The following PTPN11 variants were observed in gnomAD, a reference collection of about 807,000 sequenced individuals.
PTPN11 encodes the protein tyrosine-protein phosphatase non-receptor type 11.
Under a neutral mutation model 78.8 loss-of-function variants are expected in PTPN11, and 6 were observed. The ratio of observed to expected loss-of-function variants is 0.08; its 90% CI spans 0.04 to 0.15. PTPN11 has a LOEUF of 0.15. Ranked by LOEUF, PTPN11 falls within the 10% of genes least tolerant of loss-of-function variation. The probability of loss-of-function intolerance (pLI) is 1.00; values close to 1 mark genes in which losing one functional copy is unlikely to be tolerated. For synonymous variants in PTPN11, 221 were observed against 263.5 expected, an observed-to-expected ratio of 0.84 and a Z score of 1.56; for missense variants, 386 against 744.8, an observed-to-expected ratio of 0.52 and a Z score of 5.61.
Position 112,454,658 on chromosome 12 carries a change from G to C in PTPN11, c.620G>C (p.Gly207Ala), listed in dbSNP as rs2135869833. The C allele has an allele frequency of 6.2e-7, 1 of 1,612,078 alleles. No homozygotes were observed. Among genetic ancestry groups the C allele is most frequent in the Non-Finnish European group, 8.5e-7 (1 of 1,178,276 alleles). ...AAGAATCCTATGGTGGAAACATTGG[G>C]TACAGTACTACAACTCAAGCAGGTG... ...YKKNPMVETL[G>A]TVLQLKQPLN... Residue 207 changes from glycine to alanine, a missense_variant, in exon 5 of 16, where the codon GGT becomes GCT. This residue lies in a region of PTPN11 where 279 missense variants were observed against 503.3 expected (regional missense o/e 0.55). Coordinates refer to ENST00000351677, the MANE Select transcript of PTPN11 (RefSeq NM_002834.5).
intron 1 of PTPN11, among the ~76,000 whole-genome samples, chr12:112,442,706 C>T (rs1446566010): frequency 1.3e-5 from 2 of 150,194 alleles, no homozygotes; most frequent in African/African-American, 4.9e-5. Flanking sequence ...CCTGCCTCCG[C>T]CTCCCAAAGT....
chr12:112,427,344 A>G (rs562787611), intron 1 of PTPN11, among the ~76,000 whole-genome samples: 1 of 152,102 alleles, frequency 6.6e-6, no homozygotes, highest in African/African-American at 2.4e-5. Context: ...CAGGAGATCG[A>G]GACCATCCTA....
chr12:112,485,455 A>G (rs2038660489), intron 10 of PTPN11, among the ~76,000 whole-genome samples: 1 of 152,086 alleles, frequency 6.6e-6, no homozygotes, highest in South Asian at 2.1e-4. Flanking sequence ...GTCTCTTCCT[A>G]TTTGCTGGGC....
At chr12:112,429,995 A>C (rs1375957985) in intron 1 of PTPN11, among the ~76,000 whole-genome samples, 1 of 152,132 alleles carries the variant, frequency 6.6e-6, no homozygotes, top group Non-Finnish European at 1.5e-5. Context: ...AACCAGCTGT[A>C]ATGTATAATA....
intron 1 of PTPN11, among the ~76,000 whole-genome samples, chr12:112,433,038 T>C (rs1384792583): frequency 2.6e-5 from 4 of 151,966 alleles, no homozygotes; most frequent in Admixed American, 2.6e-4. Flanking sequence ...TTTTTATATA[T>C]TTAGTAGAGA....
chr12:112,490,456 G>A (rs530035497), intron 13 of PTPN11, among the ~76,000 whole-genome samples: 5 of 152,020 alleles, frequency 3.3e-5, no homozygotes, highest in African/African-American at 1.2e-4. Flanking sequence ...ATAGGCATGC[G>A]CCACCACACC....
At chr12:112,454,050 ATAT>A (rs1188441285) in intron 4 of PTPN11, among the ~76,000 whole-genome samples, 3 of 151,994 alleles carry the variant, frequency 2.0e-5, no homozygotes, top group Non-Finnish European at 2.9e-5. Context: ...CATATTTAAT[ATAT>A]TATTATACTT....
intron 1 of PTPN11, among the ~76,000 whole-genome samples, chr12:112,435,954 G>A (rs2037782595): frequency 1.3e-5 from 2 of 152,190 alleles, no homozygotes; most frequent in African/African-American, 4.8e-5. Flanking sequence ...GGAGGCTGAG[G>A]TGGGAGGATC....
chr12:112,461,550 T>C (rs1056786853), intron 6 of PTPN11, among the ~76,000 whole-genome samples: 6 of 152,062 alleles, frequency 3.9e-5, no homozygotes, highest in African/African-American at 1.4e-4. Context: ...TGGTCTTGAA[T>C]GTCTGGGCTC....
In PTPN11 at chr12:112,506,810, T is replaced by C. The variant is rs1262054105; in HGVS notation, c.*1018T>C. 1.9e-5 allele frequency: 3 copies of C among 157,484 alleles called. No individual in the cohort carries two copies. Among genetic ancestry groups the C allele is most frequent in the African/African-American group, 7.2e-5 (3 of 41,556 alleles). 9.8% of individuals were successfully genotyped at this position (157,484 alleles called of 1,614,324 possible). On this transcript the variant is annotated 3_prime_UTR_variant, in exon 16 of 16. Transcript: ENST00000351677. ...TCTCTCCTTCTTCGTGTAGTCTCTT[T>C]CAGTGGCCTGGCTGGCAGGGTAGCT...
chr12:112,467,569 A>G (rs1011090832), intron 6 of PTPN11, among the ~76,000 whole-genome samples: 1 of 152,092 alleles, frequency 6.6e-6, no homozygotes, highest in African/African-American at 2.4e-5. Flanking sequence ...ATCTCAGCTC[A>G]CTGCAGCCTC....
chr12:112,508,035 T>TCTTGA lies in PTPN11; in HGVS notation c.*2257_*2261dup, dbSNP rs759302517. 1 of 152,702 alleles carries TCTTGA rather than the reference T, an allele frequency of 6.5e-6. No homozygotes were observed. Among genetic ancestry groups the TCTTGA allele is most frequent in the South Asian group, 2.1e-4 (1 of 4,832 alleles). The allele number at this position is 152,702 out of a possible 1,614,324, so 9.5% of individuals were successfully genotyped here. ...CATTCTCCATTTTGCTTTGGTTTTG[T>TCTTGA]CTTGACTTGACTTGACTTTGGGGGT... On this transcript the variant is annotated 3_prime_UTR_variant, in exon 16 of 16. Coordinates refer to ENST00000351677, the MANE Select transcript of PTPN11 (RefSeq NM_002834.5).
intron 1 of PTPN11, among the ~76,000 whole-genome samples, chr12:112,433,232 T>C (rs994297545): frequency 3.3e-5 from 5 of 152,256 alleles, no homozygotes; most frequent in African/African-American, 1.2e-4. Flanking sequence ...TGTGTTTAGA[T>C]ACACAAATAC....
In PTPN11 at chr12:112,451,936, C is replaced by T. The variant is rs149890854; in HGVS notation, c.333-1259C>T. On this transcript the variant is annotated intron_variant, in intron 3 of 15. Coordinates refer to ENST00000351677, the MANE Select transcript of PTPN11 (RefSeq NM_002834.5). ...TGTCACCCAGGCTGGAGTCAAGTGA[C>T]GCGATCTCGGCTCACTACAACCTCC... Among the ~76,000 whole-genome samples, 122 of 151,568 alleles carry T rather than the reference C, an allele frequency of 8.0e-4. 1 individual carries two copies. Among genetic ancestry groups the T allele is most frequent in the African/African-American group, 2.3e-3 (94 of 41,316 alleles).
At chr12:112,464,009 C>T (rs1479768629) in intron 6 of PTPN11, among the ~76,000 whole-genome samples, 2 of 152,180 alleles carry the variant, frequency 1.3e-5, no homozygotes, top group African/African-American at 4.8e-5. Flanking sequence ...AAGTTTGATC[C>T]ACAATAGCAA....
At chr12:112,496,335 G>A (rs929851772) in intron 13 of PTPN11, among the ~76,000 whole-genome samples, 4 of 151,928 alleles carry the variant, frequency 2.6e-5, no homozygotes, top group Admixed American at 2.0e-4. Flanking sequence ...TTTCCCTGCC[G>A]CAGCCCTAGA....
At chr12:112,501,930 T>A (rs1473776892) in intron 13 of PTPN11, among the ~76,000 whole-genome samples, 1 of 152,236 alleles carries the variant, frequency 6.6e-6, no homozygotes, top group Admixed American at 6.5e-5. Flanking sequence ...TTTCAAATTC[T>A]GTGGTTCAAA....
chr12:112,503,570 C>T (rs1372643782), intron 14 of PTPN11, among the ~76,000 whole-genome samples: 1 of 152,094 alleles, frequency 6.6e-6, no homozygotes, highest in Non-Finnish European at 1.5e-5. Context: ...TCTTTTCTTT[C>T]CCAGTGGACT....
At chr12:112,433,884 G>T (rs568405823) in intron 1 of PTPN11, among the ~76,000 whole-genome samples, 85 of 152,308 alleles carry the variant, frequency 5.6e-4, no homozygotes, top group African/African-American at 2.0e-3. Context: ...CTTGTGCCTG[G>T]CAGGTTGAGG....
Sources: allele counts gnomAD v4.1 joint callset (sites outside exome capture counted in the v4.1 genomes callset), GRCh38; gene constraint gnomAD v4.1.1; regional missense constraint gnomAD v4.1.1; transcripts MANE v1.5; gene names NCBI Gene and HGNC (gene_info 2026-07-23, HGNC 2026-07-21).